Variants in PXDNL observed in about 807,000 individuals in gnomAD.
The protein encoded by PXDNL is peroxidasin like.
In PXDNL, 145 loss-of-function variants were observed where a neutral mutation model predicts 150.8. That is an observed-to-expected ratio of 0.96 (90% CI 0.84 to 1.10). The LOEUF (loss-of-function observed/expected upper bound fraction) is 1.10, where lower values mean the gene tolerates loss of function less well. PXDNL is among the 50% of genes least tolerant of loss of function. The probability of loss-of-function intolerance (pLI) is 0.00; values close to 1 mark genes in which losing one functional copy is unlikely to be tolerated. For missense variants in PXDNL, 2,087 were observed against 1,873.9 expected (o/e 1.11, Z -2.10); for synonymous variants, 757 against 725.7 (o/e 1.04, Z -0.69).
intron 1 of PXDNL, among the ~76,000 whole-genome samples, chr8:51,744,104 A>C (rs1285780425): frequency 1.5e-5 from 2 of 132,748 alleles, no homozygotes; most frequent in East Asian, 4.5e-4. Context: ...GAAAGAAAGA[A>C]AGAAAGAAAG....
intron 17 of PXDNL, among the ~76,000 whole-genome samples, chr8:51,392,879 G>A (rs989879480): frequency 6.6e-6 from 1 of 152,092 alleles, no homozygotes; most frequent in Non-Finnish European, 1.5e-5. Context: ...AAATTGATTG[G>A]CATAAAAATT....
intron 1 of PXDNL, among the ~76,000 whole-genome samples, chr8:51,727,954 CAAAAA>C (rs1278319767): frequency 1.3e-5 from 2 of 152,124 alleles, no homozygotes; most frequent in African/African-American, 4.8e-5. Flanking sequence ...AGAGAGTAAA[CAAAAA>C]AGAAAAGTTA....
At chr8:51,743,034 T>C (rs748324301) in intron 1 of PXDNL, among the ~76,000 whole-genome samples, 1 of 152,186 alleles carries the variant, frequency 6.6e-6, no homozygotes, top group Non-Finnish European at 1.5e-5. Flanking sequence ...TCATGCAACA[T>C]TATCAATTTG....
At chr8:51,336,418 C>T (rs549110300) in intron 21 of PXDNL, among the ~76,000 whole-genome samples, 2 of 152,276 alleles carry the variant, frequency 1.3e-5, no homozygotes, top group East Asian at 3.9e-4. Flanking sequence ...TACAACCTAC[C>T]TTTCAATGTG....
chr8:51,433,149 C>T (rs745504861), intron 12 of PXDNL, among the ~76,000 whole-genome samples: 7 of 151,376 alleles, frequency 4.6e-5, no homozygotes, highest in South Asian at 2.1e-4. Flanking sequence ...GCAGAGATTG[C>T]GGTGAGCGGA....
At chr8:51,731,501 T>C (rs1014708166) in intron 1 of PXDNL, among the ~76,000 whole-genome samples, 1 of 152,202 alleles carries the variant, frequency 6.6e-6, no homozygotes, top group African/African-American at 2.4e-5. Context: ...AGGCACATAG[T>C]GCAAGCTATC....
rs562137618 is a variant in PXDNL at position 51,400,077 on chromosome 8, A to T, written c.3557+7990T>A. Among the ~76,000 whole-genome samples, 20 of 152,368 alleles carry T rather than the reference A, an allele frequency of 1.3e-4. 1 individual carries two copies. In the South Asian group the frequency reaches 2.9e-3, roughly 22 times the overall value. The stretch of plus-strand genomic sequence containing the variant: ...TTCTAAAAGTGAAGAATTTACATAC[A>T]GGTTGTGAGTATCCCTTATCCAGCT... On this transcript the variant is annotated intron_variant, in intron 17 of 22. Coordinates refer to ENST00000356297, the MANE Select transcript of PXDNL (RefSeq NM_144651.5).
At chr8:51,506,433 C>T (rs774801074) in intron 4 of PXDNL, among the ~76,000 whole-genome samples, 12 of 147,560 alleles carry the variant, frequency 8.1e-5, no homozygotes, top group Non-Finnish European at 1.2e-4. Flanking sequence ...CCCAGCTACT[C>T]GGGAGGCTGA....
intron 1 of PXDNL, among the ~76,000 whole-genome samples, chr8:51,713,303 C>G (rs965842571): frequency 6.6e-6 from 1 of 152,240 alleles, no homozygotes; most frequent in African/African-American, 2.4e-5. Context: ...CATTCCTTAT[C>G]TCAGGTTTGA....
intron 4 of PXDNL, among the ~76,000 whole-genome samples, chr8:51,531,532 G>A (rs1459207859): frequency 1.3e-5 from 2 of 152,208 alleles, no homozygotes; most frequent in African/African-American, 2.4e-5. Context: ...ATGGGCTCAG[G>A]CCGGTCCCCA....
At chr8:51,494,478 G>C (rs1233560135) in intron 5 of PXDNL, among the ~76,000 whole-genome samples, 1 of 152,068 alleles carries the variant, frequency 6.6e-6, no homozygotes, top group Non-Finnish European at 1.5e-5. Context: ...AAAAGACACA[G>C]ACTGGCAAAT....
At chr8:51,635,129 A>G (rs1456292933) in intron 2 of PXDNL, among the ~76,000 whole-genome samples, 5 of 152,152 alleles carry the variant, frequency 3.3e-5, no homozygotes, top group Middle Eastern at 6.8e-3. Flanking sequence ...TTTAAATGAC[A>G]AGTGGGTCAG....
At chr8:51,605,614 T>C (rs1298406493) in intron 2 of PXDNL, among the ~76,000 whole-genome samples, 1 of 152,224 alleles carries the variant, frequency 6.6e-6, no homozygotes, top group African/African-American at 2.4e-5. Flanking sequence ...TAATAATGAA[T>C]CATTTGATTT....
intron 1 of PXDNL, among the ~76,000 whole-genome samples, chr8:51,673,570 C>T (rs941451897): frequency 6.6e-6 from 1 of 152,124 alleles, no homozygotes; most frequent in Non-Finnish European, 1.5e-5. Flanking sequence ...AATGAATGAC[C>T]TTGAGAAGCA....
chr8:51,761,335 C>A (rs951910250), intron 1 of PXDNL, among the ~76,000 whole-genome samples: 1 of 152,012 alleles, frequency 6.6e-6, no homozygotes, highest in Non-Finnish European at 1.5e-5. Flanking sequence ...ACTTGCTAAC[C>A]TGATGGCTTT....
chr8:51,495,434 G>C (rs1811022400), intron 5 of PXDNL, among the ~76,000 whole-genome samples: 1 of 152,074 alleles, frequency 6.6e-6, no homozygotes, highest in Non-Finnish European at 1.5e-5. Flanking sequence ...TAAGATCAGA[G>C]CAGAATTGAA....
chr8:51,536,257 C>T (rs971841463), intron 4 of PXDNL, among the ~76,000 whole-genome samples: 2 of 152,200 alleles, frequency 1.3e-5, no homozygotes, highest in Admixed American at 1.3e-4. Context: ...ACCAAGGACA[C>T]AGGAACTGGA....
chr8:51,452,335 A>G (rs1193552287), intron 10 of PXDNL, among the ~76,000 whole-genome samples: 3 of 152,238 alleles, frequency 2.0e-5, no homozygotes, highest in Non-Finnish European at 4.4e-5. Flanking sequence ...CAAAGACCTC[A>G]AGAAAATATT....
chr8:51,696,703 C>CCCCACACACA, intron 1 of PXDNL, among the ~76,000 whole-genome samples: 1 of 3,490 alleles, frequency 2.9e-4, no homozygotes, highest in East Asian at 9.6e-3. Flanking sequence ...CCACACACAT[C>CCCCACACACA]CACACACAGG....
Sources: gnomAD v4.1 joint callset for allele counts (sites outside exome capture counted in the v4.1 genomes callset) on GRCh38, gnomAD v4.1.1 for gene constraint, MANE v1.5 for transcripts, NCBI Gene and HGNC (gene_info 2026-07-23, HGNC 2026-07-21) for gene names.